Variants in SEPTIN9 observed in about 807,000 individuals in gnomAD.
SEPTIN9 encodes septin 9.
A neutral mutation model predicts 56.6 loss-of-function variants in SEPTIN9; 13 were observed. The observed-to-expected ratio is 0.23, with a 90% CI of 0.15 to 0.37. The LOEUF is 0.37. Among genes scored for constraint, SEPTIN9 ranks in the 10% least tolerant of loss-of-function variants. The pLI, the probability that SEPTIN9 is intolerant of heterozygous loss-of-function variation, is 1.00. For synonymous variants in SEPTIN9, 332 were observed against 334.1 expected (o/e 0.99, Z 0.07); for missense variants, 650 against 823.1 (o/e 0.79, Z 2.57).
chr17:77,464,635 C>A (rs1228643565), intron 3 of SEPTIN9, among the ~76,000 whole-genome samples: 2 of 150,940 alleles, frequency 1.3e-5, no homozygotes, highest in Non-Finnish European at 2.9e-5. Flanking sequence ...GAGTCTCGCT[C>A]TGTCGCCCAG....
chr17:77,390,773 G>T (rs909761697), intron 2 of SEPTIN9, among the ~76,000 whole-genome samples: 4 of 152,244 alleles, frequency 2.6e-5, no homozygotes, highest in African/African-American at 9.6e-5. Flanking sequence ...TCTTGAACAG[G>T]TGGCTCCCTG....
chr17:77,347,378 C>CAA (rs374020168), intron 2 of SEPTIN9, among the ~76,000 whole-genome samples: 4 of 105,842 alleles, frequency 3.8e-5, no homozygotes, highest in Admixed American at 1.0e-4. Context: ...AACTCCGTCT[C>CAA]AAAAAAAAAA....
At chr17:77,344,797 C>A (rs925385848) in intron 2 of SEPTIN9, among the ~76,000 whole-genome samples, 1 of 152,042 alleles carries the variant, frequency 6.6e-6, no homozygotes, top group Non-Finnish European at 1.5e-5. Flanking sequence ...CATGGCGAAA[C>A]CCTGTCTCTG....
chr17:77,355,945 G>C (rs1201699087), intron 2 of SEPTIN9, among the ~76,000 whole-genome samples: 1 of 145,518 alleles, frequency 6.9e-6, no homozygotes, highest in Non-Finnish European at 1.5e-5. Flanking sequence ...TCGCGTCACT[G>C]CACTCCAGCC....
At chr17:77,335,514 A>G (rs62079555) in intron 2 of SEPTIN9, among the ~76,000 whole-genome samples, 81 of 137,244 alleles carry the variant, frequency 5.9e-4, no homozygotes, top group Admixed American at 2.6e-3. Context: ...CTGTATATGT[A>G]GTCCTATATT....
At position 77,330,725 on chromosome 17, in the gene SEPTIN9, G is replaced by A. The variant is rs1435293015; in HGVS notation, c.76+23528G>A. Among the ~76,000 whole-genome samples the A allele has an allele frequency of 6.6e-6, 1 of 152,224 alleles. No homozygotes were observed. The highest frequency in any genetic ancestry group is 6.5e-5 in the Admixed American group (1 of 15,286). On this transcript the variant is annotated intron_variant, in intron 2 of 11. Coordinates refer to ENST00000427177, the MANE Select transcript of SEPTIN9 (RefSeq NM_001113491.2). This position sits in a 1 kb window ranked among gnomAD's most constrained non-coding sequence, Gnocchi z 4.4. ...ACATGGCTTGACCATCACGGGGACT[G>A]GGGGAGAGGCACAGGCATGCCTGTC...
In SEPTIN9 at chr17:77,433,507, A is replaced by G. The variant is rs889021391; in HGVS notation, c.721+30804A>G. 3.9e-5 allele frequency among the ~76,000 whole-genome samples: 6 copies of G among 152,054 alleles called. No homozygotes were observed. Among genetic ancestry groups the G allele is most frequent in the African/African-American group, 9.7e-5 (4 of 41,396 alleles). ...AGGCTTTTGTGCCTGTGACGGCCAA[A>G]AGGGATGGCGCCCCAGCCACGTTCC... On this transcript the variant is annotated intron_variant, in intron 3 of 11. Transcript: ENST00000427177. The surrounding 1 kb of genome is among the most constrained non-coding windows in gnomAD (Gnocchi z 6.4).
At chr17:77,320,154 A>T (rs1194615705) in intron 2 of SEPTIN9, 1 of 1,516,360 alleles carries the variant, frequency 6.6e-7, no homozygotes, top group South Asian at 1.3e-5. Context: ...GGTAATTCGG[A>T]TGCATTCGTG....
Position 77,454,014 on chromosome 17 carries a change from A to T in SEPTIN9, c.722-28130A>T, listed in dbSNP as rs201490023. 1.5e-3 allele frequency: 1,451 copies of T among 974,426 alleles called. 39 individuals carry two copies. The South Asian group carries it at 0.053, about 35-fold the overall frequency. 60.4% of individuals were successfully genotyped at this position (974,426 alleles called of 1,614,324 possible). ...CTGTACATGTAAGCCTTTCCCATAC[A>T]CCCCGGATGTTTAGGGCTTCCGCCC... is the stretch of plus-strand genomic sequence containing the variant. On this transcript the variant is annotated intron_variant, in intron 3 of 11. Transcript: ENST00000427177.
intron 3 of SEPTIN9, among the ~76,000 whole-genome samples, chr17:77,427,633 G>T (rs1218891098): frequency 6.6e-6 from 1 of 152,222 alleles, no homozygotes; most frequent in Non-Finnish European, 1.5e-5. Context: ...GGTTGACATT[G>T]TCAGCCTTCG....
At chr17:77,305,153 C>A (rs1349385602) in intron 1 of SEPTIN9, among the ~76,000 whole-genome samples, 1 of 152,124 alleles carries the variant, frequency 6.6e-6, no homozygotes, top group African/African-American at 2.4e-5. Context: ...CTGGGTTTTC[C>A]TGGTGGGGTT....
chr17:77,414,073 T>C (rs2036404645), intron 3 of SEPTIN9, among the ~76,000 whole-genome samples: 1 of 151,744 alleles, frequency 6.6e-6, no homozygotes, highest in Non-Finnish European at 1.5e-5. Context: ...AATCCACCAA[T>C]TTATTTATTT....
intron 2 of SEPTIN9, among the ~76,000 whole-genome samples, chr17:77,390,272 G>A (rs943998551): frequency 1.3e-5 from 2 of 149,432 alleles, no homozygotes; most frequent in African/African-American, 5.0e-5. Flanking sequence ...GCATGAACCC[G>A]GGAGGCGGAG....
chr17:77,338,282 C>T (rs535272149), intron 2 of SEPTIN9, among the ~76,000 whole-genome samples: 5 of 152,064 alleles, frequency 3.3e-5, no homozygotes, highest in Non-Finnish European at 7.4e-5. Context: ...CTAAAAAATG[C>T]TAATAATCAT....
chr17:77,372,544 C>T (rs567568724), intron 2 of SEPTIN9, among the ~76,000 whole-genome samples: 1 of 152,230 alleles, frequency 6.6e-6, no homozygotes, highest in Non-Finnish European at 1.5e-5. Context: ...CCTTCGGAAA[C>T]GTCTGCTCCT....
At position 77,433,242 on chromosome 17, in the gene SEPTIN9, C is replaced by T. The variant is rs1439550387; in HGVS notation, c.721+30539C>T. Among the ~76,000 whole-genome samples the T allele has an allele frequency of 2.0e-5, 3 of 152,188 alleles. No homozygotes were observed. The highest frequency in any genetic ancestry group is 2.4e-5 in the African/African-American group (1 of 41,450). ...TCTCGGTCACAGGATGCTGCAGCCACGTTGCAGGGAAGGAGAGCCTCCCTT... is the reference window on the plus strand; with the variant it reads ...TCTCGGTCACAGGATGCTGCAGCCATGTTGCAGGGAAGGAGAGCCTCCCTT... On this transcript the variant is annotated intron_variant, in intron 3 of 11. Transcript: ENST00000427177. This position sits in a 1 kb window ranked among gnomAD's most constrained non-coding sequence, Gnocchi z 6.4.
At chr17:77,331,832 G>T (rs1213596388) in intron 2 of SEPTIN9, among the ~76,000 whole-genome samples, 1 of 152,216 alleles carries the variant, frequency 6.6e-6, no homozygotes. Context: ...CTAACTGGGC[G>T]GGGAAAGGGA....
chr17:77,359,503 A>G (rs939319939), intron 2 of SEPTIN9, among the ~76,000 whole-genome samples: 4 of 152,252 alleles, frequency 2.6e-5, no homozygotes, highest in African/African-American at 9.6e-5. Context: ...CCAGTCAATC[A>G]TGATGGCTGC....
Position 77,323,941 on chromosome 17 carries a change from C to T in SEPTIN9, c.76+16744C>T, listed in dbSNP as rs1485420518. The T allele has an allele frequency of 6.6e-6, 1 of 152,292 alleles. No individual in the cohort carries two copies. The highest frequency in any genetic ancestry group is 6.5e-5 in the Admixed American group (1 of 15,286). 9.4% of individuals were successfully genotyped at this position (152,292 alleles called of 1,614,324 possible). ...AAACTGGGTGGCTCAAAACACCAGA[C>T]ATTTCTTCTCTCGCCGTTCTGGAGG... On this transcript the variant is annotated intron_variant, in intron 2 of 11. Coordinates refer to ENST00000427177, the MANE Select transcript of SEPTIN9 (RefSeq NM_001113491.2). The surrounding 1 kb of genome is among the most constrained non-coding windows in gnomAD (Gnocchi z 6.8).
Sources: gnomAD v4.1 joint callset for allele counts (sites outside exome capture counted in the v4.1 genomes callset) on GRCh38, gnomAD v4.1.1 for gene constraint, Gnocchi (gnomAD v3.1) non-coding constraint, MANE v1.5 for transcripts, NCBI Gene and HGNC (gene_info 2026-07-23, HGNC 2026-07-21) for gene names.